The following KCNQ5 variants were observed in gnomAD, a reference collection of about 807,000 sequenced individuals.
KCNQ5 encodes potassium voltage-gated channel subfamily KQT member 5.
In KCNQ5, 30 loss-of-function variants were observed where a neutral mutation model predicts 98.2. The ratio of observed to expected loss-of-function variants is 0.31; its 90% CI spans 0.23 to 0.41. The LOEUF (loss-of-function observed/expected upper bound fraction) is 0.41. Ranked by LOEUF, KCNQ5 falls within the 10% of genes least tolerant of loss-of-function variation. The pLI, the probability that KCNQ5 is intolerant of heterozygous loss-of-function variation, is 1.00. For synonymous variants in KCNQ5, 458 were observed against 449.4 expected, an observed-to-expected ratio of 1.02 and a Z score of -0.24; for missense variants, 835 against 1,182.5, an observed-to-expected ratio of 0.71 and a Z score of 4.31.
At chr6:72,734,526 AT>A (rs1383881971) in intron 1 of KCNQ5, among the ~76,000 whole-genome samples, 1 of 151,572 alleles carries the variant, frequency 6.6e-6, no homozygotes, top group Non-Finnish European at 1.5e-5. Flanking sequence ...TTCGACTAGT[AT>A]TTTTTTTAAA....
chr6:72,872,845 C>G (rs1778265845), intron 1 of KCNQ5, among the ~76,000 whole-genome samples: 1 of 152,018 alleles, frequency 6.6e-6, no homozygotes, highest in South Asian at 2.1e-4. Flanking sequence ...ACCAAAAAAC[C>G]TTGAAATTGA....
chr6:72,721,472 T>C (rs1489076657), intron 1 of KCNQ5, among the ~76,000 whole-genome samples: 1 of 152,142 alleles, frequency 6.6e-6, no homozygotes, highest in Non-Finnish European at 1.5e-5. Context: ...TGTAGATTTA[T>C]GAAGACATTT....
rs75050588 is a variant in KCNQ5 at position 72,916,866 on chromosome 6, G to A, written c.399-87042G>A. Among the ~76,000 whole-genome samples, 1,298 of 152,294 alleles carry A rather than the reference G, an allele frequency of 8.5e-3. 12 individuals are homozygous for A. The highest frequency in any genetic ancestry group is 0.02 in the East Asian group (106 of 5,188). ...ATGCCTCTAAGATGGAGCCTCAAGT[G>A]TTGGAAGTTTCAACTTCTGCAGTCA... is the stretch of plus-strand genomic sequence containing the variant. On this transcript the variant is annotated intron_variant, in intron 1 of 13. Transcript: ENST00000370398.
chr6:73,079,229 C>A (rs1773663191), intron 5 of KCNQ5, among the ~76,000 whole-genome samples: 1 of 152,104 alleles, frequency 6.6e-6, no homozygotes, highest in South Asian at 2.1e-4. Flanking sequence ...TTAAGCCTGG[C>A]AGGTAGATTA....
intron 5 of KCNQ5, among the ~76,000 whole-genome samples, chr6:73,102,236 G>T (rs757698780): frequency 1.2e-4 from 18 of 152,064 alleles, no homozygotes; most frequent in Non-Finnish European, 2.4e-4. Context: ...TTGCCATATG[G>T]AAAAAAATCA....
intron 1 of KCNQ5, among the ~76,000 whole-genome samples, chr6:72,747,572 A>G (rs1007554781): frequency 2.0e-5 from 3 of 152,138 alleles, no homozygotes; most frequent in African/African-American, 7.2e-5. Flanking sequence ...TCTCAGTCAG[A>G]CAATTCATTA....
At chr6:72,905,436 G>T (rs577366485) in intron 1 of KCNQ5, among the ~76,000 whole-genome samples, 2 of 152,250 alleles carry the variant, frequency 1.3e-5, no homozygotes, top group South Asian at 4.2e-4. Context: ...TTTTGCGGGG[G>T]CATGTTAAAG....
At chr6:72,796,864 G>A (rs78636702) in intron 1 of KCNQ5, among the ~76,000 whole-genome samples, 4,874 of 152,220 alleles carry the variant, frequency 0.032, 253 homozygotes, top group African/African-American at 0.11. Context: ...ATACTATAAT[G>A]GGATTAAAGG....
At chr6:72,761,952 T>C (rs1006457730) in intron 1 of KCNQ5, among the ~76,000 whole-genome samples, 3 of 152,036 alleles carry the variant, frequency 2.0e-5, no homozygotes, top group African/African-American at 7.2e-5. Context: ...GCTGAAAGGA[T>C]CTGGTTTTCT....
At chr6:72,973,747 G>A (rs1768019818) in intron 1 of KCNQ5, among the ~76,000 whole-genome samples, 1 of 152,120 alleles carries the variant, frequency 6.6e-6, no homozygotes, top group Non-Finnish European at 1.5e-5. Flanking sequence ...GACAAAAAGG[G>A]AATAGTAAAG....
chr6:72,963,667 T>C (rs1384543130), intron 1 of KCNQ5, among the ~76,000 whole-genome samples: 2 of 152,112 alleles, frequency 1.3e-5, no homozygotes, highest in Non-Finnish European at 2.9e-5. Context: ...TATTTATTTA[T>C]TTATTTATTT....
chr6:73,137,293 G>C (rs1776512524), intron 10 of KCNQ5, among the ~76,000 whole-genome samples: 1 of 152,142 alleles, frequency 6.6e-6, no homozygotes, highest in African/African-American at 2.4e-5. Context: ...GGACGCAGTT[G>C]TCTCTCAATA....
intron 1 of KCNQ5, among the ~76,000 whole-genome samples, chr6:72,972,676 T>C (rs1446801958): frequency 6.6e-6 from 1 of 152,096 alleles, no homozygotes; most frequent in Admixed American, 6.6e-5. Flanking sequence ...CATGATCTCA[T>C]TCCTTTTTAA....
chr6:73,134,864 T>A (rs1287846804), intron 10 of KCNQ5: 1 of 152,300 alleles, frequency 6.6e-6, no homozygotes, highest in Non-Finnish European at 1.5e-5. Flanking sequence ...ACTTGCAGGA[T>A]CTGAGTCACT....
chr6:72,897,069 C>A (rs2150189093), intron 1 of KCNQ5, among the ~76,000 whole-genome samples: 1 of 151,996 alleles, frequency 6.6e-6, no homozygotes, highest in Admixed American at 6.6e-5. Context: ...AGAAGAGCCC[C>A]AACATAGAAA....
chr6:72,957,315 C>G lies in KCNQ5; in HGVS notation c.399-46593C>G, dbSNP rs141497477. The stretch of plus-strand genomic sequence containing the variant: ...CCTCCCTAGTAGCTGGGATTACAGG[C>G]GCGCACCACCACACTTGGCTAATTT... On this transcript the variant is annotated intron_variant, in intron 1 of 13. Coordinates refer to ENST00000370398, the MANE Select transcript of KCNQ5 (RefSeq NM_019842.4). Among the ~76,000 whole-genome samples, 4 of 151,792 alleles carry G rather than the reference C, an allele frequency of 2.6e-5. No individual in the cohort carries two copies. In the East Asian group the frequency reaches 7.8e-4, roughly 30 times the overall value.
At chr6:72,844,270 GT>G (rs1189153063) in intron 1 of KCNQ5, among the ~76,000 whole-genome samples, 3 of 152,316 alleles carry the variant, frequency 2.0e-5, no homozygotes, top group Admixed American at 1.3e-4. Context: ...AAAGATTCAA[GT>G]TATAGATGTA....
At chr6:72,984,098 A>T (rs972472473) in intron 1 of KCNQ5, among the ~76,000 whole-genome samples, 5 of 152,270 alleles carry the variant, frequency 3.3e-5, no homozygotes, top group South Asian at 2.1e-4. Flanking sequence ...CCAGAGGGGC[A>T]TCGGGCTGTA....
Position 72,622,719 on chromosome 6 carries a change from T to A in KCNQ5, c.398+132T>A. ...GTGGTGGCTTTTATTTCTTCGCACG[T>A]GTTCGTGGTCTTCCTTCTGGAGCCT... On this transcript the variant is annotated intron_variant, in intron 1 of 13. Transcript: ENST00000370398. This position sits in a 1 kb window ranked among gnomAD's most constrained non-coding sequence, Gnocchi z 6.0. The A allele has an allele frequency of 1.1e-6, 1 of 912,102 alleles. No homozygotes were observed. Among genetic ancestry groups the A allele is most frequent in the Non-Finnish European group, 1.6e-6 (1 of 606,374 alleles). The allele number at this position is 912,102 out of a possible 1,614,324, so 56.5% of individuals were successfully genotyped here. A position where few individuals can be genotyped will look rare whatever the true frequency, so the allele number is the denominator to read the frequency against.
Sources: gnomAD v4.1 joint callset for allele counts (sites outside exome capture counted in the v4.1 genomes callset) on GRCh38, gnomAD v4.1.1 for gene constraint, Gnocchi (gnomAD v3.1) non-coding constraint, MANE v1.5 for transcripts, NCBI Gene and HGNC (gene_info 2026-07-23, HGNC 2026-07-21) for gene names.